SCUBE3: variants seen among roughly 807,000 people sequenced by gnomAD.
SCUBE3 encodes signal peptide, CUB domain and EGF like domain containing 3.
A neutral mutation model predicts 116.8 loss-of-function variants in SCUBE3; 33 were observed. The observed-to-expected ratio is 0.28, with a 90% CI of 0.21 to 0.38. The LOEUF (loss-of-function observed/expected upper bound fraction) is 0.38. Among genes scored for constraint, SCUBE3 ranks in the 10% least tolerant of loss-of-function variants. The pLI is 1.00. For missense variants in SCUBE3, 1,007 were observed against 1,324.8 expected (o/e 0.76, Z 3.72); for synonymous variants, 418 against 496.9 (o/e 0.84, Z 2.11).
intron 1 of SCUBE3, chr6:35,220,431 C>T (rs1191761223): frequency 1.3e-5 from 2 of 152,168 alleles, no homozygotes; most frequent in East Asian, 3.9e-4. Flanking sequence ...ATCACAAAAC[C>T]AGAACCTACC....
intron 21 of SCUBE3, among the ~76,000 whole-genome samples, chr6:35,246,998 AAGC>A (rs1035995414): frequency 6.1e-4 from 92 of 151,916 alleles, no homozygotes; most frequent in African/African-American, 2.0e-3. Context: ...AAAACAAAAA[AAGC>A]AGCGGCAGAT....
At position 35,241,607 on chromosome 6, in the gene SCUBE3, CAAG is replaced by C; in HGVS notation, c.1264_1266del (p.Lys422del). 1.2e-6 allele frequency: 2 copies of C among 1,614,194 alleles called. No homozygotes were observed. The highest frequency in any genetic ancestry group is 2.2e-5 in the East Asian group (1 of 44,886). On this transcript the variant is annotated inframe_deletion, in exon 11 of 22. Coordinates refer to ENST00000274938, the MANE Select transcript of SCUBE3 (RefSeq NM_152753.4). The surrounding 1 kb of genome is among the most constrained non-coding windows in gnomAD (Gnocchi z 4.1). The stretch of plus-strand genomic sequence containing the variant: ...CCATGCTCAGCTGCAACCGGTCTGG[CAAG>C]AAGGACACCTGTGCCCTGACCTGTC...
Position 35,219,342 on chromosome 6 carries a change from T to A in SCUBE3, c.85+4839T>A, listed in dbSNP as rs1783040305. 6.6e-6 allele frequency among the ~76,000 whole-genome samples: 1 copy of A among 152,184 alleles called. No homozygotes were observed. The highest frequency in any genetic ancestry group is 1.5e-5 in the Non-Finnish European group (1 of 68,028). On this transcript the variant is annotated intron_variant, in intron 1 of 21. Transcript: ENST00000274938. The surrounding 1 kb of genome is among the most constrained non-coding windows in gnomAD (Gnocchi z 4.7). Reference sequence around the variant, plus strand: ...GATTCCGTGTTTCTAGCTCTGAGACTAGCTGTCTGTATTCTGCCCTAGCCT... The same window carrying A: ...GATTCCGTGTTTCTAGCTCTGAGACAAGCTGTCTGTATTCTGCCCTAGCCT...
chr6:35,227,101 C>G (rs1783359555), intron 1 of SCUBE3, among the ~76,000 whole-genome samples: 1 of 152,182 alleles, frequency 6.6e-6, no homozygotes, highest in South Asian at 2.1e-4. Context: ...AATCATGACA[C>G]AGATGAAGAT....
chr6:35,217,175 T>C (rs2150279855), intron 1 of SCUBE3, among the ~76,000 whole-genome samples: 1 of 141,290 alleles, frequency 7.1e-6, no homozygotes, highest in African/African-American at 2.6e-5. Context: ...ATTGTTAACT[T>C]AAAAGCATTA....
chr6:35,246,750 T>G (rs1028307107), intron 21 of SCUBE3, among the ~76,000 whole-genome samples: 50 of 152,182 alleles, frequency 3.3e-4, no homozygotes, highest in East Asian at 5.8e-4. Context: ...CCGAGGCGGG[T>G]GGATCACATG....
At position 35,240,692 on chromosome 6, in the gene SCUBE3, A is replaced by G. The variant is rs1331255256; in HGVS notation, c.1069+202A>G. Among the ~76,000 whole-genome samples, 2 of 152,182 alleles carry G rather than the reference A, an allele frequency of 1.3e-5. No homozygotes were observed. Among genetic ancestry groups the G allele is most frequent in the African/African-American group, 4.8e-5 (2 of 41,440 alleles). On this transcript the variant is annotated intron_variant, in intron 9 of 21. Transcript: ENST00000274938. The surrounding 1 kb of genome is among the most constrained non-coding windows in gnomAD (Gnocchi z 4.6). ...CTGCGGAAACAGCATCCTGCCTCCAAAATTCCTATCTCCCATTCCTATAAC... is the reference window on the plus strand; with the variant it reads ...CTGCGGAAACAGCATCCTGCCTCCAGAATTCCTATCTCCCATTCCTATAAC...
Position 35,226,629 on chromosome 6 carries a change from C to T in SCUBE3, c.86-951C>T, listed in dbSNP as rs1032809843. On this transcript the variant is annotated intron_variant, in intron 1 of 21. Coordinates refer to ENST00000274938, the MANE Select transcript of SCUBE3 (RefSeq NM_152753.4). The stretch of plus-strand genomic sequence containing the variant: ...TCCTGAGTAGCTGGGATTACAGGCA[C>T]ACATCACCACACCTGGCTAATTTTT... 3.3e-5 allele frequency among the ~76,000 whole-genome samples: 5 copies of T among 151,942 alleles called. No individual in the cohort carries two copies. The East Asian group carries it at 7.8e-4, about 24-fold the overall frequency.
At position 35,232,303 on chromosome 6, in the gene SCUBE3, G is replaced by A. The variant is rs915682934; in HGVS notation, c.469+444G>A. On this transcript the variant is annotated intron_variant, in intron 4 of 21. Transcript: ENST00000274938. The surrounding 1 kb of genome is among the most constrained non-coding windows in gnomAD (Gnocchi z 4.2). Reference sequence around the variant, plus strand: ...TAGACTGTGACATCCCTGAGGGCAGGGACTATGTCTAACTCATTGTTGTAT... The same window carrying A: ...TAGACTGTGACATCCCTGAGGGCAGAGACTATGTCTAACTCATTGTTGTAT... 1.3e-5 allele frequency among the ~76,000 whole-genome samples: 2 copies of A among 152,124 alleles called. No homozygotes were observed. The highest frequency in any genetic ancestry group is 2.9e-5 in the Non-Finnish European group (2 of 68,016).
chr6:35,224,053 T>C (rs1332829764), intron 1 of SCUBE3: 4 of 152,180 alleles, frequency 2.6e-5, no homozygotes, highest in Admixed American at 2.0e-4. Context: ...GAACGGGGCT[T>C]ACAAGGAAGA....
rs139208414 is a variant in SCUBE3 at position 35,242,309 on chromosome 6, T to G, written c.1523T>G (p.Ile508Ser). 1.9e-6 allele frequency: 3 copies of G among 1,611,684 alleles called. No individual in the cohort carries two copies. In the African/African-American group the frequency reaches 4.0e-5, roughly 22 times the overall value. Residue 508 changes from isoleucine to serine, a missense_variant, in exon 13 of 22, where the codon ATC (isoleucine) becomes AGC (serine). Ile to Ser is a moderately radical substitution (Grantham distance 142). Coordinates refer to ENST00000274938, the MANE Select transcript of SCUBE3 (RefSeq NM_152753.4). ...GGCAAAACAGAGGAGGCTGGCAGAATCACAGGGCCAGGTTTGGACTGGGGA... is the reference window on the plus strand; with the variant it reads ...GGCAAAACAGAGGAGGCTGGCAGAAGCACAGGGCCAGGTTTGGACTGGGGA... ...NKGKTEEAGRITGPGGAPCSE... is the reference protein window; with the variant it reads ...NKGKTEEAGRSTGPGGAPCSE...
rs1783946964 is a variant in SCUBE3 at position 35,239,662 on chromosome 6, A to G, written c.830-90A>G. ...AGGCCCAGGACTCCTTGATTTTTGC[A>G]TGTCTCTGTCAGTGAGGGAGGGATC... On this transcript the variant is annotated intron_variant, in intron 7 of 21. Transcript: ENST00000274938. The surrounding 1 kb of genome is among the most constrained non-coding windows in gnomAD (Gnocchi z 4.1). 7.2e-6 allele frequency: 9 copies of G among 1,243,330 alleles called. No homozygotes were observed. The highest frequency in any genetic ancestry group is 9.2e-6 in the Non-Finnish European group (8 of 873,514). 77.0% of individuals were successfully genotyped at this position (1,243,330 alleles called of 1,614,324 possible).
At chr6:35,242,878 A>G (rs1331947610) in intron 14 of SCUBE3, 98 bp downstream of exon 14, 2 of 1,524,458 alleles carry the variant, frequency 1.3e-6, no homozygotes, top group African/African-American at 2.7e-5. Context: ...TGGAGCCTGT[A>G]CTAGGGGCAG....
At chr6:35,218,905 C>G (rs558469504) in intron 1 of SCUBE3, among the ~76,000 whole-genome samples, 4 of 152,270 alleles carry the variant, frequency 2.6e-5, no homozygotes, top group Admixed American at 6.5e-5. Context: ...ATTTGAGCCT[C>G]GGAGGAAATC....
intron 2 of SCUBE3, among the ~76,000 whole-genome samples, chr6:35,227,961 A>C (rs1188092653): frequency 6.6e-6 from 1 of 152,194 alleles, no homozygotes; most frequent in Non-Finnish European, 1.5e-5. Context: ...GGGAGCATGA[A>C]AATCATAAGA....
intron 1 of SCUBE3, among the ~76,000 whole-genome samples, chr6:35,218,716 G>A (rs1485458515): frequency 1.3e-5 from 2 of 152,082 alleles, no homozygotes; most frequent in Non-Finnish European, 2.9e-5. Flanking sequence ...GATGTCTAGG[G>A]GGTACAGGAG....
At chr6:35,226,645 G>C (rs1254025691) in intron 1 of SCUBE3, among the ~76,000 whole-genome samples, 1 of 151,880 alleles carries the variant, frequency 6.6e-6, no homozygotes, top group Non-Finnish European at 1.5e-5. Context: ...ACCACACCTG[G>C]CTAATTTTTG....
Position 35,243,574 on chromosome 6 carries a change from C to A in SCUBE3, c.1910-20C>A. ...GGGAAATGCGGGGGTGGGTGGCTAG[C>A]GCGGCCGACTCTCCCTCAGTCAGCT... On this transcript the variant is annotated intron_variant, in intron 15 of 21. Transcript: ENST00000274938. This position sits in a 1 kb window ranked among gnomAD's most constrained non-coding sequence, Gnocchi z 6.6. 6.4e-7 allele frequency: 1 copy of A among 1,572,884 alleles called. No homozygotes were observed. The highest frequency in any genetic ancestry group is 1.2e-5 in the South Asian group (1 of 86,578).
intron 1 of SCUBE3, among the ~76,000 whole-genome samples, chr6:35,215,968 A>G (rs1171388265): frequency 6.6e-6 from 1 of 152,186 alleles, no homozygotes; most frequent in Non-Finnish European, 1.5e-5. Flanking sequence ...TGGCTTTTGT[A>G]GTGTGTGCTG....
Sources: gnomAD v4.1 joint callset for allele counts (sites outside exome capture counted in the v4.1 genomes callset) on GRCh38, gnomAD v4.1.1 for gene constraint, Gnocchi (gnomAD v3.1) non-coding constraint, MANE v1.5 for transcripts, NCBI Gene and HGNC (gene_info 2026-07-23, HGNC 2026-07-21) for gene names.